Variants in PLXNA4 observed in about 807,000 individuals in gnomAD.
The protein encoded by PLXNA4 is plexin-A4.
Under a neutral mutation model 191.8 loss-of-function variants are expected in PLXNA4, and 44 were observed. That is an observed-to-expected ratio of 0.23 (90% CI 0.18 to 0.29). The LOEUF (loss-of-function observed/expected upper bound fraction) is 0.29. PLXNA4 is among the 10% of genes least tolerant of loss of function. The probability of loss-of-function intolerance (pLI) is 1.00; values close to 1 mark genes in which losing one functional copy is unlikely to be tolerated. For missense variants in PLXNA4, 1,800 were observed against 2,488.8 expected (o/e 0.72, Z 5.89); for synonymous variants, 1,082 against 1,009.5 (o/e 1.07, Z -1.36).
At chr7:132,184,465 C>T (rs996086814) in intron 16 of PLXNA4, among the ~76,000 whole-genome samples, 1 of 152,206 alleles carries the variant, frequency 6.6e-6, no homozygotes, top group Non-Finnish European at 1.5e-5. Context: ...TTCTCATTCC[C>T]ATGTGCTAGC....
chr7:132,191,755 T>G (rs1230558842), intron 14 of PLXNA4, among the ~76,000 whole-genome samples: 2 of 145,922 alleles, frequency 1.4e-5, no homozygotes, highest in African/African-American at 2.6e-5. Context: ...CTGGCGAATG[T>G]CATCCCTCCT....
chr7:132,618,836 G>T (rs1344615224), intron 2 of PLXNA4, among the ~76,000 whole-genome samples: 2 of 152,122 alleles, frequency 1.3e-5, no homozygotes, highest in Non-Finnish European at 2.9e-5. Context: ...ATGCATTCCT[G>T]TCCAAAAAGA....
chr7:132,132,495 CTT>C (rs138417713), intron 31 of PLXNA4, among the ~76,000 whole-genome samples: 1 of 31,418 alleles, frequency 3.2e-5, no homozygotes, highest in African/African-American at 9.8e-5. Context: ...CTGCTCTATT[CTT>C]TTCTATTCTA....
At chr7:132,555,403 T>C (rs1800760387) in intron 1 of PLXNA4, among the ~76,000 whole-genome samples, 1 of 152,216 alleles carries the variant, frequency 6.6e-6, no homozygotes, top group Non-Finnish European at 1.5e-5. Flanking sequence ...TAGAAACAGA[T>C]GTGACTATTT....
At chr7:132,192,083 T>G (rs1797108974) in intron 14 of PLXNA4, among the ~76,000 whole-genome samples, 1 of 152,048 alleles carries the variant, frequency 6.6e-6, no homozygotes, top group Non-Finnish European at 1.5e-5. Flanking sequence ...CCAGAGGGGG[T>G]TTGGCCCTCG....
At chr7:132,297,263 C>T (rs1801122118) in intron 4 of PLXNA4, among the ~76,000 whole-genome samples, 1 of 152,148 alleles carries the variant, frequency 6.6e-6, no homozygotes, top group African/African-American at 2.4e-5. Context: ...CGAGAATGAC[C>T]CATCCTCCAC....
chr7:132,453,173 A>C (rs142406360), intron 3 of PLXNA4, among the ~76,000 whole-genome samples: 153 of 152,334 alleles, frequency 1.0e-3, no homozygotes, highest in East Asian at 3.9e-3. Flanking sequence ...TCCTATGTCA[A>C]TTAGGGAGAG....
chr7:132,255,441 C>G (rs948523043), intron 4 of PLXNA4, among the ~76,000 whole-genome samples: 1 of 152,204 alleles, frequency 6.6e-6, no homozygotes, highest in Non-Finnish European at 1.5e-5. Flanking sequence ...CTTATAGGCA[C>G]GACCACCATG....
rs1794798726 is a variant in PLXNA4, at chr7:132,127,391, G to A, written c.*3088C>T. 6.6e-6 allele frequency: 1 copy of A among 152,098 alleles called. No individual in the cohort carries two copies. Among genetic ancestry groups the A allele is most frequent in the South Asian group, 2.1e-4 (1 of 4,822 alleles). 9.4% of individuals were successfully genotyped at this position (152,098 alleles called of 1,614,324 possible). A position where few individuals can be genotyped will look rare whatever the true frequency, so the allele number is the denominator to read the frequency against. ...GTTGGCCCAATTCCTTTCTCTGGGA[G>A]CCCGCAAGCCACATGGACAGCCCCT... On this transcript the variant is annotated 3_prime_UTR_variant, in exon 32 of 32. Coordinates refer to ENST00000321063, the MANE Select transcript of PLXNA4 (RefSeq NM_020911.2).
chr7:132,483,526 T>A (rs755950864), intron 3 of PLXNA4, among the ~76,000 whole-genome samples: 2 of 152,262 alleles, frequency 1.3e-5, no homozygotes, highest in Non-Finnish European at 2.9e-5. Context: ...TTACTTCAAT[T>A]GCATGTGTCA....
At chr7:132,215,768 G>C (rs1028720813) in intron 9 of PLXNA4, among the ~76,000 whole-genome samples, 2 of 152,192 alleles carry the variant, frequency 1.3e-5, no homozygotes, top group Non-Finnish European at 2.9e-5. Flanking sequence ...AGCTTCCCTG[G>C]TGGTGAACAG....
At chr7:132,259,389 T>C (rs1799541959) in intron 4 of PLXNA4, among the ~76,000 whole-genome samples, 1 of 119,904 alleles carries the variant, frequency 8.3e-6, no homozygotes, top group African/African-American at 3.3e-5. Flanking sequence ...TGAGCCAAGA[T>C]GGTGTCACTG....
chr7:132,592,684 C>T (rs1028719238), intron 2 of PLXNA4, among the ~76,000 whole-genome samples: 10 of 151,922 alleles, frequency 6.6e-5, no homozygotes, highest in African/African-American at 2.4e-4. Context: ...ATGCTGTAGC[C>T]CTTTCATGCT....
chr7:132,185,280 C>A lies in PLXNA4; in HGVS notation c.3158+19G>T, dbSNP rs373591761. 7 of 1,600,008 alleles carry A rather than the reference C, an allele frequency of 4.4e-6. No homozygotes were observed. The Middle Eastern group carries it at 5.3e-4, about 121-fold the overall frequency. ...ACAGAGGTGCAGAAGCATTAAGGTC[C>A]GCTTGGGCCAGCTCCTACCTGACAA... On this transcript the variant is annotated intron_variant, in intron 16 of 31. Coordinates refer to ENST00000321063, the MANE Select transcript of PLXNA4 (RefSeq NM_020911.2).
intron 2 of PLXNA4, among the ~76,000 whole-genome samples, chr7:132,591,885 G>A (rs998759903): frequency 3.3e-5 from 5 of 152,112 alleles, no homozygotes; most frequent in Admixed American, 6.5e-5. Context: ...GATTACAGGC[G>A]CTGCATCCTA....
rs180898561 is a variant in PLXNA4 at position 132,145,145 on chromosome 7, G to A, written c.5199C>T (p.His1733=). ...AATTGCTCTTCCAGGTATGGCGGACGTGCGGGTCATGAATGCCATGTTTAT... is the reference window on the plus strand; with the variant it reads ...AATTGCTCTTCCAGGTATGGCGGACATGCGGGTCATGAATGCCATGTTTAT... ...QADKHGIHDP[H]VRHTWKSNCL... Residue 1733 remains histidine, a synonymous_variant, in exon 29 of 32, where the codon CAC becomes CAT. Transcript: ENST00000321063. 3.8e-5 allele frequency: 61 copies of A among 1,614,128 alleles called. No individual in the cohort carries two copies. The East Asian group carries it at 4.9e-4, about 13-fold the overall frequency.
intron 3 of PLXNA4, among the ~76,000 whole-genome samples, chr7:132,367,401 C>T (rs563129163): frequency 6.6e-6 from 1 of 152,100 alleles, no homozygotes; most frequent in South Asian, 2.1e-4. Flanking sequence ...GGCAGCGTAC[C>T]ACCCTCAAAA....
upstream of PLXNA4, among the ~76,000 whole-genome samples, chr7:132,582,196 G>A (rs956455317): frequency 6.6e-6 from 1 of 152,196 alleles, no homozygotes. Flanking sequence ...CTAGTACACT[G>A]GCTAAGTAGT....
intron 25 of PLXNA4, among the ~76,000 whole-genome samples, chr7:132,156,131 GACATACAC>G (rs1167440940): frequency 1.3e-5 from 1 of 74,546 alleles, no homozygotes; most frequent in Admixed American, 1.3e-4. Context: ...TCTGTTTCTG[GACATACAC>G]ACACACACAC....
Sources: allele counts gnomAD v4.1 joint callset (sites outside exome capture counted in the v4.1 genomes callset), GRCh38; gene constraint gnomAD v4.1.1; transcripts MANE v1.5; gene names NCBI Gene and HGNC (gene_info 2026-07-23, HGNC 2026-07-21).